Variants in PNPLA1 observed in about 807,000 individuals in gnomAD.
PNPLA1 encodes the protein omega-hydroxyceramide transacylase.
Under a neutral mutation model 51.7 loss-of-function variants are expected in PNPLA1, and 36 were observed. That is an observed-to-expected ratio of 0.70 (90% CI 0.53 to 0.92). PNPLA1 has a LOEUF of 0.92. PNPLA1 is among the 40% of genes least tolerant of loss of function. The pLI is 0.00. For missense variants in PNPLA1, 658 were observed against 682.5 expected (o/e 0.96, Z 0.40); for synonymous variants, 293 against 280.1 (o/e 1.05, Z -0.46).
At chr6:36,278,655 T>C (rs1222923002) in intron 1 of PNPLA1, among the ~76,000 whole-genome samples, 3 of 152,212 alleles carry the variant, frequency 2.0e-5, no homozygotes, top group African/African-American at 7.2e-5. Flanking sequence ...TGGGGGATCT[T>C]GCTAAAATTA....
chr6:36,258,096 AT>A (rs1453698644), intron 1 of PNPLA1, among the ~76,000 whole-genome samples: 83 of 152,264 alleles, frequency 5.5e-4, no homozygotes, highest in African/African-American at 1.9e-3. Context: ...AACTGCCTGG[AT>A]TACAGGTGTG....
chr6:36,293,574 G>A lies in PNPLA1; in HGVS notation c.504+448G>A, dbSNP rs1437504753. ...CAGGCGGTCTGAGGCAGTGCCTGAG[G>A]GTCTGCGCCCCTAACCAGCCTCAGG... On this transcript the variant is annotated intron_variant, in intron 3 of 8. Transcript: ENST00000636260. Among the ~76,000 whole-genome samples, 7 of 152,354 alleles carry A rather than the reference G, an allele frequency of 4.6e-5. 1 individual carries two copies. The East Asian group carries it at 1.2e-3, about 25-fold the overall frequency.
At chr6:36,281,951 A>G (rs9470243) in intron 1 of PNPLA1, among the ~76,000 whole-genome samples, 94,116 of 150,226 alleles carry the variant, frequency 0.63, 29,487 homozygotes, top group Middle Eastern at 0.7. Context: ...AACCCAGGAG[A>G]TGGGGAGGTT....
chr6:36,295,985 G>A (rs998127447), intron 5 of PNPLA1, among the ~76,000 whole-genome samples: 2 of 152,184 alleles, frequency 1.3e-5, no homozygotes, highest in African/African-American at 4.8e-5. Flanking sequence ...TGTCTTTTAT[G>A]TGCTAACTCC....
At chr6:36,258,422 T>A (rs1175490878) in intron 1 of PNPLA1, among the ~76,000 whole-genome samples, 2 of 152,320 alleles carry the variant, frequency 1.3e-5, no homozygotes, top group African/African-American at 4.8e-5. Flanking sequence ...AAAAATTTTT[T>A]AAAAAATCCA....
At chr6:36,277,596 G>A (rs1770144933) in intron 1 of PNPLA1, among the ~76,000 whole-genome samples, 1 of 152,218 alleles carries the variant, frequency 6.6e-6, no homozygotes, top group African/African-American at 2.4e-5. Flanking sequence ...AGATGCAGTG[G>A]CTCGTGCCTG....
At chr6:36,299,701 T>C (rs1420226337) in intron 5 of PNPLA1, among the ~76,000 whole-genome samples, 2 of 152,336 alleles carry the variant, frequency 1.3e-5, no homozygotes, top group South Asian at 2.1e-4. Flanking sequence ...TGCATGTCGG[T>C]AACTTATTGT....
chr6:36,305,733 T>C (rs2127354807), intron 6 of PNPLA1, among the ~76,000 whole-genome samples: 1 of 151,728 alleles, frequency 6.6e-6, no homozygotes, highest in South Asian at 2.1e-4. Context: ...GAGGGAGCTA[T>C]TTCTTTTCTT....
chr6:36,303,297 G>T (rs748007670), intron 6 of PNPLA1, among the ~76,000 whole-genome samples: 5 of 152,122 alleles, frequency 3.3e-5, no homozygotes, highest in African/African-American at 4.8e-5. Context: ...GTTTCACTGT[G>T]TTAGCCAGGA....
At chr6:36,265,270 C>T (rs538534124), upstream of PNPLA1, among the ~76,000 whole-genome samples, 29 of 152,100 alleles carry the variant, frequency 1.9e-4, no homozygotes, top group African/African-American at 5.1e-4. Flanking sequence ...GAACCTGGGA[C>T]GCGGTGGTTG....
At chr6:36,275,142 A>C (rs1253931080) in intron 1 of PNPLA1, among the ~76,000 whole-genome samples, 1 of 152,152 alleles carries the variant, frequency 6.6e-6, no homozygotes, top group Non-Finnish European at 1.5e-5. Flanking sequence ...GCAGTGGCAC[A>C]TTCATGGCTC....
intron 1 of PNPLA1, among the ~76,000 whole-genome samples, chr6:36,250,896 G>A (rs1769407515): frequency 6.6e-6 from 1 of 152,162 alleles, no homozygotes; most frequent in Non-Finnish European, 1.5e-5. Context: ...TAGAGCCGGG[G>A]TTTCACCATG....
At chr6:36,298,614 A>G (rs754923694) in intron 5 of PNPLA1, among the ~76,000 whole-genome samples, 5 of 152,116 alleles carry the variant, frequency 3.3e-5, no homozygotes, top group Non-Finnish European at 7.3e-5. Context: ...TGTGCTGATG[A>G]TTTTGACTAC....
chr6:36,259,007 C>T, intron 1 of PNPLA1, among the ~76,000 whole-genome samples: 1 of 152,194 alleles, frequency 6.6e-6, no homozygotes, highest in Non-Finnish European at 1.5e-5. Flanking sequence ...GCTCAGTGTG[C>T]TGCCCCACTA....
chr6:36,290,351 G>A (rs951424421), intron 1 of PNPLA1, among the ~76,000 whole-genome samples: 5 of 152,162 alleles, frequency 3.3e-5, no homozygotes, highest in East Asian at 1.9e-4. Flanking sequence ...GTGTGGGCTC[G>A]GCTGCAGAAG....
rs112666073 is a variant in PNPLA1, at chr6:36,261,630, T to A, written c.-81+18369T>A. Among the ~76,000 whole-genome samples the A allele has an allele frequency of 5.4e-4, 83 of 152,352 alleles. 1 individual carries two copies. Among genetic ancestry groups the A allele is most frequent in the Non-Finnish European group, 1.1e-3 (75 of 68,030 alleles). ...GTCTTAGGGCCCAGCTGTGCTGAAC[T>A]TACAAAAGCGAGAAATAAAGAATAA... On this transcript the variant is annotated intron_variant, in intron 1 of 7. Coordinates refer to the PNPLA1 transcript ENST00000312917.
intron 2 of PNPLA1, 38 bp from the exon 3 acceptor site, chr6:36,293,023 C>A: frequency 6.4e-7 from 1 of 1,569,040 alleles, no homozygotes; most frequent in Non-Finnish European, 8.7e-7. Flanking sequence ...ACCCCACCCC[C>A]GGGCCTCCAG....
chr6:36,290,456 G>T (rs773530525), intron 1 of PNPLA1, among the ~76,000 whole-genome samples: 1 of 152,168 alleles, frequency 6.6e-6, no homozygotes, highest in Admixed American at 6.5e-5. Context: ...ACTGGCTGAC[G>T]CTGACCCTGG....
At chr6:36,249,177 G>A (rs760478942) in intron 1 of PNPLA1, among the ~76,000 whole-genome samples, 1 of 152,188 alleles carries the variant, frequency 6.6e-6, no homozygotes, top group Non-Finnish European at 1.5e-5. Flanking sequence ...AACATTACTA[G>A]TAAGGCATTT....
Sources: allele counts gnomAD v4.1 joint callset (sites outside exome capture counted in the v4.1 genomes callset), GRCh38; gene constraint gnomAD v4.1.1; transcripts MANE v1.5; gene names NCBI Gene and HGNC (gene_info 2026-07-23, HGNC 2026-07-21).